Variants in TFR2 observed in about 807,000 individuals in gnomAD.
The protein encoded by TFR2 is transferrin receptor protein 2.
A neutral mutation model predicts 91.9 loss-of-function variants in TFR2; 64 were observed. The ratio of observed to expected loss-of-function variants is 0.70; its 90% CI spans 0.57 to 0.86. TFR2 has a LOEUF of 0.86. TFR2 is among the 40% of genes least tolerant of loss of function. The probability of loss-of-function intolerance (pLI) is 0.00; values close to 1 mark genes in which losing one functional copy is unlikely to be tolerated. For synonymous variants in TFR2, 454 were observed against 459.6 expected (o/e 0.99, Z 0.15); for missense variants, 950 against 1,080.5 (o/e 0.88, Z 1.69).
chr7:100,630,878 A>G lies in TFR2; in HGVS notation c.1270+11T>C. 5 of 1,612,382 alleles carry G rather than the reference A, an allele frequency of 3.1e-6. No homozygotes were observed. The highest frequency in any genetic ancestry group is 4.2e-6 in the Non-Finnish European group (5 of 1,179,804). The stretch of plus-strand genomic sequence containing the variant: ...CCACCAGCTGTGAGTGATACTGGAC[A>G]CACAGCATACCTGGCTCTGAGCGGC... On this transcript the variant is annotated intron_variant, in intron 9 of 17. Coordinates refer to ENST00000223051, the MANE Select transcript of TFR2 (RefSeq NM_003227.4).
rs771055679 is a variant in TFR2, at chr7:100,621,072, G to A, written c.2191C>T (p.His731Tyr). ...YVSPADSPFR[H>Y]IFMGRGDHTL... Reference sequence around the variant, plus strand: ...TGGTCTCCACGGCCCATGAAGATGTGGCGGAACGGGGAGTCGGCTGGCGAC... The same window carrying A: ...TGGTCTCCACGGCCCATGAAGATGTAGCGGAACGGGGAGTCGGCTGGCGAC... The change falls in exon 18 of 18, where the codon CAC becomes TAC. Residue 731 changes from histidine (H) to tyrosine (Y), a missense_variant. Physicochemically the swap from His to Tyr is moderately conservative, Grantham distance 83. Transcript: ENST00000223051. 15 of 1,552,210 alleles carry A rather than the reference G, an allele frequency of 9.7e-6. No individual in the cohort carries two copies. The highest frequency in any genetic ancestry group is 7.9e-6 in the Non-Finnish European group (9 of 1,145,570).
In TFR2 at chr7:100,628,299, C is replaced by T; in HGVS notation, c.1398G>A (p.Arg466=). The change falls in exon 11 of 18, where the codon CGG becomes CGA. Residue 466 remains arginine, a synonymous_variant. Transcript: ENST00000223051. ...TFSSMVSNGF[R]PRRSLLFISW... ...TGATGAAGAGGAGACTTCTGCGGGG[C>T]CGGAAGCCTGGGGACAGAGGGGAAG... 2 of 1,613,806 alleles carry T rather than the reference C, an allele frequency of 1.2e-6. No individual in the cohort carries two copies. Among genetic ancestry groups the T allele is most frequent in the Non-Finnish European group, 1.7e-6 (2 of 1,179,914 alleles).
At chr7:100,631,976 G>T (rs754679054) in intron 7 of TFR2, 31 bp from the exon 8 acceptor site, 2 of 1,614,092 alleles carry the variant, frequency 1.2e-6, no homozygotes, top group East Asian at 4.5e-5. Context: ...ACGCAAAGCT[G>T]CGAGCTGGGC....
intron 8 of TFR2, among the ~76,000 whole-genome samples, chr7:100,631,305 CTTTT>C (rs542161282): frequency 4.2e-5 from 4 of 95,688 alleles, no homozygotes; most frequent in Non-Finnish European, 7.7e-5. Context: ...AGAAGAGTCA[CTTTT>C]TTTTTTTTTT....
chr7:100,621,151 A>AGGGTT, intron 17 of TFR2, 25 bp from the exon 18 acceptor site: 1 of 1,475,052 alleles, frequency 6.8e-7, no homozygotes. Context: ...GGATCAGGTC[A>AGGGTT]GGGTTGGGGG....
chr7:100,629,127 T>C lies in TFR2; in HGVS notation c.1390+126A>G. On this transcript the variant is annotated intron_variant, in intron 10 of 17. Coordinates refer to ENST00000223051, the MANE Select transcript of TFR2 (RefSeq NM_003227.4). ...CTGGCCCAGGGCCACTCAGGTACAA[T>C]GTGGATGCCGAGGTCCAAGTGACCA... 3 of 1,261,748 alleles carry C rather than the reference T, an allele frequency of 2.4e-6. No homozygotes were observed. The South Asian group carries it at 3.6e-5, about 15-fold the overall frequency. 78.2% of individuals were successfully genotyped at this position (1,261,748 alleles called of 1,614,324 possible). A position where few individuals can be genotyped will look rare whatever the true frequency, so the allele number is the denominator to read the frequency against.
Position 100,641,141 on chromosome 7 carries a change from C to G in TFR2, c.121G>C (p.Gly41Arg). ...GCCAATGTCTCCGCCCCCTCCTCCC[C>G]GTCTTCCTCTTCCTCCTCCAGGTGC... ...KGHLEEEEED[G>R]EEGAETLAHF... is the part of the protein sequence containing the mutation. Residue 41 changes from glycine (G) to arginine (R), a missense_variant, in exon 2 of 18, where the codon GGG becomes CGG. By Grantham distance (125) the Gly-to-Arg change is moderately radical. Coordinates refer to ENST00000223051, the MANE Select transcript of TFR2 (RefSeq NM_003227.4). 6.4e-7 allele frequency: 1 copy of G among 1,551,168 alleles called. No individual in the cohort carries two copies. Among genetic ancestry groups the G allele is most frequent in the African/African-American group, 1.4e-5 (1 of 73,396 alleles).
intron 17 of TFR2, among the ~76,000 whole-genome samples, chr7:100,625,059 C>CTTTTTTTTTTTTT (rs34968337): frequency 9.5e-6 from 1 of 105,292 alleles, no homozygotes; most frequent in Non-Finnish European, 1.8e-5. Flanking sequence ...TTTTCTTTTT[C>CTTTTTTTTTTTTT]TTTTTTTTTT....
In TFR2 at chr7:100,627,246, G is replaced by T. The variant is rs1391240383; in HGVS notation, c.1995+18C>A. On this transcript the variant is annotated intron_variant, in intron 16 of 17. Transcript: ENST00000223051. ...CCTCCCACTCCCAGAGACCAAGAGC[G>T]GGGTGGGCCTCTTGAACCTTGAGGT... 6 of 1,547,680 alleles carry T rather than the reference G, an allele frequency of 3.9e-6. No homozygotes were observed. Among genetic ancestry groups the T allele is most frequent in the South Asian group, 2.4e-5 (2 of 83,926 alleles).
chr7:100,637,220 A>G (rs1328103248), intron 3 of TFR2, among the ~76,000 whole-genome samples: 1 of 152,072 alleles, frequency 6.6e-6, no homozygotes, highest in African/African-American at 2.4e-5. Context: ...ACCAACATGG[A>G]GAAACCCCAT....
intron 3 of TFR2, 142 bp from the exon 4 acceptor site, chr7:100,633,698 CTTTTTTTTTTTTTT>C (rs397890558): frequency 9.7e-5 from 21 of 215,930 alleles, no homozygotes; most frequent in South Asian, 2.3e-4. Flanking sequence ...CCCGCGGACG[CTTTTTTTTTTTTTT>C]TTTTTTTTTT....
intron 3 of TFR2, chr7:100,639,930 GC>G (rs1307594186): frequency 6.6e-6 from 1 of 151,110 alleles, no homozygotes; most frequent in African/African-American, 2.4e-5. Context: ...GACTAGAGGC[GC>G]CCGCCACCAT....
intron 8 of TFR2, 183 bp downstream of exon 8, chr7:100,631,623 C>CAAA (rs368447138): frequency 1.2e-4 from 72 of 595,186 alleles, no homozygotes; most frequent in South Asian, 3.0e-4. Flanking sequence ...GACTCCATCT[C>CAAA]AAAAAAAAAA....
Position 100,640,964 on chromosome 7 carries a change from G to A in TFR2, c.286+12C>T. ...CAAGCCCTTCACTTCTGGGGAGGGGGACGGCTCTCACCCCCAGTGAAGATC... is the reference window on the plus strand; with the variant it reads ...CAAGCCCTTCACTTCTGGGGAGGGGAACGGCTCTCACCCCCAGTGAAGATC... On this transcript the variant is annotated intron_variant, in intron 2 of 17. Transcript: ENST00000223051. The A allele has an allele frequency of 6.2e-7, 1 of 1,612,446 alleles. No homozygotes were observed.
chr7:100,639,588 A>C (rs1412748989), intron 3 of TFR2, among the ~76,000 whole-genome samples: 1 of 151,808 alleles, frequency 6.6e-6, no homozygotes, highest in African/African-American at 2.4e-5. Flanking sequence ...TGAAAAAAAA[A>C]AAAACGTAGA....
chr7:100,631,097 A>T (rs1347574786), intron 8 of TFR2, 45 bp from the exon 9 acceptor site: 3 of 1,478,868 alleles, frequency 2.0e-6, no homozygotes, highest in Non-Finnish European at 2.7e-6. Context: ...AGAGAGACCC[A>T]GAAGAGTCCA....
Position 100,629,264 on chromosome 7 carries a change from A to G in TFR2, c.1379T>C (p.Met460Thr). 6.8e-6 allele frequency: 11 copies of G among 1,613,832 alleles called. No homozygotes were observed. Among genetic ancestry groups the G allele is most frequent in the Non-Finnish European group, 7.6e-6 (9 of 1,179,816 alleles). The stretch of plus-strand genomic sequence containing the variant: ...GGCCCTGACCTTACCGTTGCTCACC[A>G]TGGAGGAAAAGGTCCGCACCAGCTC... ...LLELVRTFSS[M>T]VSNGFRPRRS... Residue 460 changes from methionine (M) to threonine (T), a missense_variant, in exon 10 of 18, where the codon ATG becomes ACG. Met to Thr is a moderately conservative substitution (Grantham distance 81). Coordinates refer to ENST00000223051, the MANE Select transcript of TFR2 (RefSeq NM_003227.4).
At chr7:100,632,515 T>G in intron 6 of TFR2, among the ~76,000 whole-genome samples, 2 of 150,726 alleles carry the variant, frequency 1.3e-5, no homozygotes. Context: ...CCTTCCTTCC[T>G]TCCTCCCTCC....
Position 100,621,201 on chromosome 7 carries a change from C to G in TFR2, c.2137-75G>C, listed in dbSNP as rs1803101683. On this transcript the variant is annotated intron_variant, in intron 17 of 17. Transcript: ENST00000223051. ...CAAAGGCCCGAGTCACCCTTCCCGC[C>G]AGCCAGTCTTTTTGTTTTTTTGTTT... The G allele has an allele frequency of 6.4e-6, 9 of 1,408,902 alleles. No homozygotes were observed. The South Asian group carries it at 1.4e-4, about 22-fold the overall frequency. The allele number at this position is 1,408,902 out of a possible 1,614,324, so 87.3% of individuals were successfully genotyped here.
Sources: allele counts gnomAD v4.1 joint callset (sites outside exome capture counted in the v4.1 genomes callset), GRCh38; gene constraint gnomAD v4.1.1; transcripts MANE v1.5; gene names NCBI Gene and HGNC (gene_info 2026-07-23, HGNC 2026-07-21).